Variants in ADAMTS12 observed in about 807,000 individuals in gnomAD.
ADAMTS12 encodes the protein ADAM metallopeptidase with thrombospondin type 1 motif 12.
In ADAMTS12, 118 loss-of-function variants were observed where a neutral mutation model predicts 167.8. The ratio of observed to expected loss-of-function variants is 0.70; its 90% CI spans 0.61 to 0.82. ADAMTS12 has a LOEUF of 0.82. Ranked by LOEUF, ADAMTS12 falls within the 40% of genes least tolerant of loss-of-function variation. ADAMTS12 has a pLI of 0.00. For synonymous variants in ADAMTS12, 704 were observed against 716.9 expected, an observed-to-expected ratio of 0.98 and a Z score of 0.29; for missense variants, 1,916 against 1,998.8, an observed-to-expected ratio of 0.96 and a Z score of 0.79.
chr5:33,599,477 T>C (rs1738077914), intron 16 of ADAMTS12, among the ~76,000 whole-genome samples: 1 of 152,112 alleles, frequency 6.6e-6, no homozygotes, highest in South Asian at 2.1e-4. Flanking sequence ...GGTCATCCTG[T>C]GGATTGCTGT....
intron 16 of ADAMTS12, among the ~76,000 whole-genome samples, chr5:33,606,944 C>T (rs139164277): frequency 6.6e-6 from 1 of 152,062 alleles, no homozygotes; most frequent in African/African-American, 2.4e-5. Context: ...CAAAGGAATG[C>T]CAGTACAGTT....
chr5:33,855,448 C>G (rs1279563543), intron 2 of ADAMTS12, among the ~76,000 whole-genome samples: 1 of 152,202 alleles, frequency 6.6e-6, no homozygotes, highest in East Asian at 1.9e-4. Context: ...AAAGCTATTC[C>G]AAAGCTCCAT....
chr5:33,712,944 G>T (rs1743456583), intron 3 of ADAMTS12, among the ~76,000 whole-genome samples: 1 of 152,068 alleles, frequency 6.6e-6, no homozygotes, highest in African/African-American at 2.4e-5. Context: ...TATGGGATTT[G>T]GCTAGACTCT....
chr5:33,534,764 C>T, intron 23 of ADAMTS12, 69 bp downstream of exon 23: 1 of 1,525,204 alleles, frequency 6.6e-7, no homozygotes. Flanking sequence ...AAGCTATCTA[C>T]AAGTTGTATC....
At chr5:33,742,969 G>C (rs1029818410) in intron 3 of ADAMTS12, among the ~76,000 whole-genome samples, 1 of 152,206 alleles carries the variant, frequency 6.6e-6, no homozygotes, top group African/African-American at 2.4e-5. Flanking sequence ...AAATAAAGTA[G>C]GATAAAGGGC....
chr5:33,790,111 C>T (rs34117085), intron 2 of ADAMTS12, among the ~76,000 whole-genome samples: 17,257 of 152,166 alleles, frequency 0.11, 1,234 homozygotes, highest in Non-Finnish European at 0.15. Flanking sequence ...AGTCTCTTTA[C>T]AGTTCATCCA....
intron 23 of ADAMTS12, among the ~76,000 whole-genome samples, chr5:33,529,127 A>G (rs771330556): frequency 6.6e-6 from 1 of 152,266 alleles, no homozygotes; most frequent in Non-Finnish European, 1.5e-5. Flanking sequence ...CCCGCCCTGC[A>G]GAACTTTACC....
rs777072954 is a variant in ADAMTS12, at chr5:33,595,938, G to C, written c.2650C>G (p.Pro884Ala). 10 of 1,613,944 alleles carry C rather than the reference G, an allele frequency of 6.2e-6. No individual in the cohort carries two copies. In the East Asian group the frequency reaches 2.2e-4, roughly 36 times the overall value. ...CCAGCTGTTAGCGATGGTTACCTGGGTGGACAAGCCTTTTCATGGCACTTC... is the reference window on the plus strand; with the variant it reads ...CCAGCTGTTAGCGATGGTTACCTGGCTGGACAAGCCTTTTCATGGCACTTC... Reference protein sequence around the residue: ...QKKCHEKACPPRWWAGEWEAC... With the variant: ...QKKCHEKACPARWWAGEWEAC... Residue 884 changes from proline (P) to alanine (A), a missense_variant, in exon 17 of 24, where the codon CCC becomes GCC. Transcript: ENST00000504830.
intron 1 of ADAMTS12, among the ~76,000 whole-genome samples, chr5:33,884,181 C>T (rs1750559563): frequency 6.6e-6 from 1 of 152,140 alleles, no homozygotes; most frequent in Admixed American, 6.5e-5. Context: ...CCTTCAGGTC[C>T]CTCAATGTGG....
At chr5:33,791,910 T>A (rs780838503) in intron 2 of ADAMTS12, among the ~76,000 whole-genome samples, 1 of 152,074 alleles carries the variant, frequency 6.6e-6, no homozygotes, top group Non-Finnish European at 1.5e-5. Context: ...ACCCTAGTGA[T>A]GTCTCTTTGT....
chr5:33,889,885 G>C (rs569039354), intron 1 of ADAMTS12, among the ~76,000 whole-genome samples: 51 of 152,316 alleles, frequency 3.3e-4, no homozygotes, highest in Non-Finnish European at 6.8e-4. Context: ...CCGGGAGGCA[G>C]AGGTTGCAGT....
intron 16 of ADAMTS12, among the ~76,000 whole-genome samples, chr5:33,612,882 C>T (rs745747359): frequency 2.6e-5 from 4 of 152,216 alleles, no homozygotes; most frequent in Non-Finnish European, 5.9e-5. Context: ...GGTTAGTTAG[C>T]ATTGTTAAAT....
At chr5:33,695,203 A>T (rs1296200732) in intron 3 of ADAMTS12, among the ~76,000 whole-genome samples, 1 of 152,216 alleles carries the variant, frequency 6.6e-6, no homozygotes, top group African/African-American at 2.4e-5. Context: ...GTTAAGGTTT[A>T]TTTAATTCTG....
At chr5:33,741,213 G>A (rs1458659475) in intron 3 of ADAMTS12, among the ~76,000 whole-genome samples, 1 of 152,198 alleles carries the variant, frequency 6.6e-6, no homozygotes, top group African/African-American at 2.4e-5. Flanking sequence ...GGGCTGCCAT[G>A]ACAAAGTGCC....
intron 9 of ADAMTS12, among the ~76,000 whole-genome samples, chr5:33,644,491 C>A (rs1206911127): frequency 6.6e-6 from 1 of 152,190 alleles, no homozygotes; most frequent in Non-Finnish European, 1.5e-5. Flanking sequence ...AATAACCACA[C>A]CTTCCATTTC....
At chr5:33,827,070 T>C (rs1748098175) in intron 2 of ADAMTS12, among the ~76,000 whole-genome samples, 2 of 92,426 alleles carry the variant, frequency 2.2e-5, no homozygotes, top group South Asian at 6.2e-4. Context: ...ATGATGTGTC[T>C]CATTCACCGC....
intron 2 of ADAMTS12, among the ~76,000 whole-genome samples, chr5:33,827,706 AC>A (rs66683673): frequency 0.39 from 56,759 of 146,578 alleles, 10,958 homozygotes; most frequent in Non-Finnish European, 0.41. Context: ...CTTGGAGAAA[AC>A]AAAATAGATA....
intron 23 of ADAMTS12, among the ~76,000 whole-genome samples, chr5:33,529,518 C>T (rs2111725255): frequency 6.6e-6 from 1 of 152,188 alleles, no homozygotes; most frequent in East Asian, 1.9e-4. Context: ...CTTTCATAAA[C>T]AGGCCGCTGT....
chr5:33,719,774 C>A (rs1228040079), intron 3 of ADAMTS12, among the ~76,000 whole-genome samples: 1 of 152,198 alleles, frequency 6.6e-6, no homozygotes, highest in African/African-American at 2.4e-5. Flanking sequence ...AAAACAGCAA[C>A]CTTATTAGTT....
Sources: allele counts gnomAD v4.1 joint callset (sites outside exome capture counted in the v4.1 genomes callset), GRCh38; gene constraint gnomAD v4.1.1; transcripts MANE v1.5; gene names NCBI Gene and HGNC (gene_info 2026-07-23, HGNC 2026-07-21).